Variants in CRYBA4 observed in about 807,000 individuals in gnomAD.
CRYBA4 encodes crystallin beta A4, also known as beta-crystallin A4.
Under a neutral mutation model 31.7 loss-of-function variants are expected in CRYBA4, and 30 were observed. The ratio of observed to expected loss-of-function variants is 0.95; its 90% CI spans 0.71 to 1.28. The LOEUF is 1.28. Ranked by LOEUF, CRYBA4 falls within the 50% of genes most tolerant of loss-of-function variation. CRYBA4 has a pLI of 0.00. For missense variants in CRYBA4, 225 were observed against 260.7 expected, an observed-to-expected ratio of 0.86 and a Z score of 0.94; for synonymous variants, 102 against 102.3, an observed-to-expected ratio of 1.00 and a Z score of 0.02.
chr22:26,627,580 CTTTCTTTTTCTCTT>C (rs1165883009), intron 4 of CRYBA4, among the ~76,000 whole-genome samples: 3 of 121,010 alleles, frequency 2.5e-5, no homozygotes, highest in Admixed American at 8.9e-5. Flanking sequence ...CTTTCTTTTT[CTTTCTTTTTCTCTT>C]TCTTTCTTTC....
the CRYBA4 span, chr22:26,601,789 A>G: frequency 8.1e-6 from 13 of 1,595,670 alleles, no homozygotes; most frequent in South Asian, 1.4e-4. Flanking sequence ...CTTCTCTAGG[A>G]ATCTGATGTT....
Position 26,625,501 on chromosome 22 carries a change from C to T in CRYBA4, c.179C>T (p.Ala60Val). Residue 60 changes from alanine to valine, a missense_variant, in exon 4 of 6, where the codon GCT becomes GTT. Transcript: ENST00000354760. Reference protein sequence around the residue: ...LSGAWVGFEHAGFQGQQYILE... With the variant: ...LSGAWVGFEHVGFQGQQYILE... ...TGCAGGTGGGTGGGCTTTGAGCATG[C>T]TGGCTTCCAAGGGCAGCAGTACATT... The T allele has an allele frequency of 6.2e-7, 1 of 1,613,992 alleles. No individual in the cohort carries two copies. Among genetic ancestry groups the T allele is most frequent in the Non-Finnish European group, 8.5e-7 (1 of 1,180,028 alleles).
chr22:26,616,343 A>G, the CRYBA4 span: 1 of 1,606,738 alleles, frequency 6.2e-7, no homozygotes, highest in Non-Finnish European at 8.5e-7. Context: ...AAAAGTCTGT[A>G]AAGAAACTCT....
chr22:26,612,231 G>T, the CRYBA4 span: 1 of 1,397,798 alleles, frequency 7.2e-7, no homozygotes, highest in Non-Finnish European at 1.0e-6. Context: ...AGAGTGAGGG[G>T]GGAGTCAAAA....
At chr22:26,591,655 C>G in the CRYBA4 span, among the ~76,000 whole-genome samples, 2 of 150,460 alleles carry the variant, frequency 1.3e-5, no homozygotes, top group South Asian at 4.2e-4. Flanking sequence ...GCAGAAGAAT[C>G]GCTTGAACCC....
At chr22:26,610,009 A>T in the CRYBA4 span, among the ~76,000 whole-genome samples, 2 of 151,776 alleles carry the variant, frequency 1.3e-5, no homozygotes, top group Non-Finnish European at 2.9e-5. Flanking sequence ...CTGGAGGTCT[A>T]GGCTTCTGGA....
At chr22:26,611,003 C>A in the CRYBA4 span, among the ~76,000 whole-genome samples, 1 of 152,162 alleles carries the variant, frequency 6.6e-6, no homozygotes, top group East Asian at 1.9e-4. Context: ...TGCCCCTCCA[C>A]CCTGACCTCA....
intron 4 of CRYBA4, among the ~76,000 whole-genome samples, chr22:26,627,359 C>CCCTCCCTTCTTTCTTTCTTTCTTT: frequency 2.4e-5 from 1 of 41,862 alleles, no homozygotes; most frequent in South Asian, 1.4e-3. Flanking sequence ...CTCCCTCCCT[C>CCCTCCCTTCTTTCTTTCTTTCTTT]CTTTCTTTCT....
At chr22:26,612,899 G>T in the CRYBA4 span, among the ~76,000 whole-genome samples, 1 of 152,068 alleles carries the variant, frequency 6.6e-6, no homozygotes, top group Non-Finnish European at 1.5e-5. Context: ...ATCGGCCTTG[G>T]TTGAGCATCC....
chr22:26,621,696 T>C (rs1284838837), upstream of CRYBA4, among the ~76,000 whole-genome samples: 1 of 152,218 alleles, frequency 6.6e-6, no homozygotes, highest in Non-Finnish European at 1.5e-5. Context: ...CATCTAGTGC[T>C]CATTCTCCTG....
At chr22:26,612,878 C>T in the CRYBA4 span, among the ~76,000 whole-genome samples, 1 of 152,140 alleles carries the variant, frequency 6.6e-6, no homozygotes, top group African/African-American at 2.4e-5. Context: ...TCTCTGATTG[C>T]CCCTTCCTCC....
chr22:26,608,815 G>A, the CRYBA4 span, among the ~76,000 whole-genome samples: 6 of 152,026 alleles, frequency 3.9e-5, no homozygotes, highest in African/African-American at 1.4e-4. Flanking sequence ...TGAGGCAATG[G>A]GAAGGGAATG....
intron 4 of CRYBA4, among the ~76,000 whole-genome samples, chr22:26,627,696 T>C (rs1422915685): frequency 6.6e-6 from 1 of 150,926 alleles, no homozygotes; most frequent in Non-Finnish European, 1.5e-5. Context: ...TTGTCCAGGC[T>C]GGAGTGCAAT....
the CRYBA4 span, chr22:26,607,759 T>G: frequency 7.9e-7 from 1 of 1,269,080 alleles, no homozygotes; most frequent in Non-Finnish European, 1.1e-6. Flanking sequence ...TCCACGGTCC[T>G]TTGACAACTC....
At position 26,625,573 on chromosome 22, in the gene CRYBA4, C is replaced by T. The variant is rs4277; in HGVS notation, c.251C>T (p.Thr84Met). 7 of 1,613,670 alleles carry T rather than the reference C, an allele frequency of 4.3e-6. No homozygotes were observed. Among genetic ancestry groups the T allele is most frequent in the Admixed American group, 1.7e-5 (1 of 59,978 alleles). The change falls in exon 4 of 6, where the codon ACG becomes ATG. Residue 84 changes from threonine (T) to methionine (M), a missense_variant. Physicochemically the swap from Thr to Met is moderately conservative, Grantham distance 81. Coordinates refer to ENST00000354760, the MANE Select transcript of CRYBA4 (RefSeq NM_001886.3). ...AGCTGGGATGCCTGGGGCGGCAACA[C>T]GGCCTACCCCGCCGAGAGGCTCACC... is the stretch of plus-strand genomic sequence containing the variant. ...YPSWDAWGGNTAYPAERLTSF... is the reference protein window; with the variant it reads ...YPSWDAWGGNMAYPAERLTSF...
chr22:26,626,683 TA>T (rs1929713330), intron 4 of CRYBA4, among the ~76,000 whole-genome samples: 1 of 152,194 alleles, frequency 6.6e-6, no homozygotes, highest in Admixed American at 6.5e-5. Flanking sequence ...AAATCTGAAA[TA>T]CTGCAGTGAG....
chr22:26,609,617 AGAATGGATGTAT>A, the CRYBA4 span, among the ~76,000 whole-genome samples: 1 of 152,130 alleles, frequency 6.6e-6, no homozygotes, highest in Non-Finnish European at 1.5e-5. Context: ...GTATAAATGG[AGAATGGATGTAT>A]GTATGGATAG....
chr22:26,625,077 G>T (rs1219034629), intron 3 of CRYBA4, among the ~76,000 whole-genome samples: 1 of 152,244 alleles, frequency 6.6e-6, no homozygotes, highest in Non-Finnish European at 1.5e-5. Flanking sequence ...GATCAGCTTT[G>T]CCTCCTTGGC....
the CRYBA4 span, among the ~76,000 whole-genome samples, chr22:26,613,150 A>G: frequency 6.6e-6 from 1 of 152,170 alleles, no homozygotes; most frequent in Non-Finnish European, 1.5e-5. Flanking sequence ...CCTCCACAAC[A>G]TAGGGGAAAA....
Sources: gnomAD v4.1 joint callset for allele counts (sites outside exome capture counted in the v4.1 genomes callset) on GRCh38, gnomAD v4.1.1 for gene constraint, MANE v1.5 for transcripts, NCBI Gene and HGNC (gene_info 2026-07-23, HGNC 2026-07-21) for gene names.